Variants in ALCAM observed in about 807,000 individuals in gnomAD.
ALCAM encodes the protein CD166 antigen.
ALCAM carries 30 observed loss-of-function variants against 70.9 expected under a neutral mutation model. The ratio of observed to expected loss-of-function variants is 0.42; its 90% CI spans 0.32 to 0.57. The LOEUF (loss-of-function observed/expected upper bound fraction) is 0.57, where lower values mean the gene tolerates loss of function less well. ALCAM is among the 20% of genes least tolerant of loss of function. The pLI, the probability that ALCAM is intolerant of heterozygous loss-of-function variation, is 0.11. For synonymous variants in ALCAM, 249 were observed against 242.5 expected (o/e 1.03, Z -0.25); for missense variants, 591 against 695.1 (o/e 0.85, Z 1.68).
At chr3:105,532,878 A>G (rs1276235357) in intron 4 of ALCAM, among the ~76,000 whole-genome samples, 1 of 152,168 alleles carries the variant, frequency 6.6e-6, no homozygotes, top group African/African-American at 2.4e-5. Context: ...TTGGCAAATT[A>G]TGCTACTGAA....
chr3:105,557,352 CAG>C (rs1003270595), intron 14 of ALCAM, among the ~76,000 whole-genome samples: 7 of 152,022 alleles, frequency 4.6e-5, no homozygotes, highest in Non-Finnish European at 1.0e-4. Flanking sequence ...GTGGAAATGC[CAG>C]AGTCTCCATC....
At chr3:105,536,138 G>A (rs945768121) in intron 6 of ALCAM, among the ~76,000 whole-genome samples, 7 of 149,370 alleles carry the variant, frequency 4.7e-5, no homozygotes, top group African/African-American at 1.5e-4. Context: ...CTGTTGCCCA[G>A]GCCAGAGTGC....
intron 1 of ALCAM, among the ~76,000 whole-genome samples, chr3:105,428,458 C>T (rs976315661): frequency 2.6e-5 from 4 of 151,622 alleles, no homozygotes; most frequent in African/African-American, 9.7e-5. Context: ...ATTGAGTACT[C>T]CGTATTTTTT....
chr3:105,452,409 C>T (rs1222395873), intron 1 of ALCAM, among the ~76,000 whole-genome samples: 1 of 152,092 alleles, frequency 6.6e-6, no homozygotes, highest in African/African-American at 2.4e-5. Flanking sequence ...AATCTCATTC[C>T]TTTTTATGGC....
Position 105,552,536 on chromosome 3 carries a change from G to T in ALCAM, c.1615G>T (p.Ala539Ser). The T allele has an allele frequency of 1.4e-5, 22 of 1,611,742 alleles. No homozygotes were observed. The highest frequency in any genetic ancestry group is 1.9e-5 in the Non-Finnish European group (22 of 1,178,366). Residue 539 changes from alanine (A) to serine (S), a missense_variant, in exon 14 of 16, where the codon GCT becomes TCT. By Grantham distance (99) the Ala-to-Ser change is moderately conservative. This residue lies in a region of ALCAM where 164 missense variants were observed against 244.7 expected (regional missense o/e 0.67). Coordinates refer to ENST00000306107, the MANE Select transcript of ALCAM (RefSeq NM_001627.4). Reference sequence around the variant, plus strand: ...GGGAATCGTTGTTGGTCTCCTCCTTGCTGCCCTTGTTGCTGGTGTCGTCTA... The same window carrying T: ...GGGAATCGTTGTTGGTCTCCTCCTTTCTGCCCTTGTTGCTGGTGTCGTCTA... ...IVGIVVGLLL[A>S]ALVAGVVYWL...
At chr3:105,480,191 A>T (rs1938231523) in intron 1 of ALCAM, among the ~76,000 whole-genome samples, 1 of 152,028 alleles carries the variant, frequency 6.6e-6, no homozygotes, top group South Asian at 2.1e-4. Context: ...CTGTACTAAA[A>T]ATACAAAAAT....
intron 1 of ALCAM, among the ~76,000 whole-genome samples, chr3:105,476,517 T>G (rs545124042): frequency 6.6e-6 from 1 of 152,198 alleles, no homozygotes; most frequent in East Asian, 1.9e-4. Context: ...CGCCATCTCT[T>G]TACTGGTTCC....
At position 105,484,976 on chromosome 3, in the gene ALCAM, T is replaced by C. The variant is rs191952606; in HGVS notation, c.74-35091T>C. On this transcript the variant is annotated intron_variant, in intron 1 of 15. Coordinates refer to ENST00000306107, the MANE Select transcript of ALCAM (RefSeq NM_001627.4). Reference sequence around the variant, plus strand: ...GGTGGGGGATAGGAAATAATACAAATCTTGAAAACATTCTAAAATATTCAG... The same window carrying C: ...GGTGGGGGATAGGAAATAATACAAACCTTGAAAACATTCTAAAATATTCAG... 4.9e-3 allele frequency among the ~76,000 whole-genome samples: 744 copies of C among 152,128 alleles called. 5 individuals are homozygous for C. The highest frequency in any genetic ancestry group is 8.0e-3 in the Non-Finnish European group (543 of 67,932).
At chr3:105,551,745 CTCCTA>C (rs992578330) in intron 12 of ALCAM, among the ~76,000 whole-genome samples, 1 of 151,376 alleles carries the variant, frequency 6.6e-6, no homozygotes, top group African/African-American at 2.4e-5. Context: ...ACAATGAATT[CTCCTA>C]TATCGGGCAG....
intron 1 of ALCAM, among the ~76,000 whole-genome samples, chr3:105,427,760 A>G (rs1936827739): frequency 6.6e-6 from 1 of 151,948 alleles, no homozygotes; most frequent in Non-Finnish European, 1.5e-5. Context: ...AGATACACCC[A>G]GCATAACCTA....
chr3:105,497,014 T>A (rs1938762918), intron 1 of ALCAM, among the ~76,000 whole-genome samples: 1 of 152,004 alleles, frequency 6.6e-6, no homozygotes, highest in Non-Finnish European at 1.5e-5. Context: ...TCTTAGCAGG[T>A]AAAGAAAAAA....
intron 1 of ALCAM, among the ~76,000 whole-genome samples, chr3:105,512,052 A>G (rs1939253833): frequency 6.6e-6 from 1 of 152,044 alleles, no homozygotes; most frequent in Non-Finnish European, 1.5e-5. Flanking sequence ...GAAAACAATG[A>G]TGATCTTATT....
intron 1 of ALCAM, among the ~76,000 whole-genome samples, chr3:105,450,470 T>C (rs1322686573): frequency 1.3e-5 from 2 of 152,200 alleles, no homozygotes; most frequent in African/African-American, 4.8e-5. Context: ...CAGAGGGATT[T>C]AATACACTTT....
chr3:105,484,821 G>T (rs9857961), intron 1 of ALCAM, among the ~76,000 whole-genome samples: 85,792 of 151,876 alleles, frequency 0.56, 24,626 homozygotes, highest in African/African-American at 0.65. Flanking sequence ...GCCACCAGAA[G>T]AAAAGCTCTT....
At chr3:105,409,334 C>CAT (rs3048587) in intron 1 of ALCAM, among the ~76,000 whole-genome samples, 5 of 151,326 alleles carry the variant, frequency 3.3e-5, no homozygotes, top group Admixed American at 6.6e-5. Context: ...GAAAATGTGA[C>CAT]ATATATATAT....
At chr3:105,519,958 A>C in intron 1 of ALCAM, 109 bp from the exon 2 acceptor site, 3 of 628,590 alleles carry the variant, frequency 4.8e-6, no homozygotes, top group Non-Finnish European at 8.4e-6. Flanking sequence ...ATAGCAGATG[A>C]CAACCTTCAT....
At chr3:105,477,134 G>A in intron 1 of ALCAM, among the ~76,000 whole-genome samples, 1 of 151,850 alleles carries the variant, frequency 6.6e-6, no homozygotes, top group East Asian at 1.9e-4. Context: ...CCAGTTTCAG[G>A]TATGTCTTTA....
At chr3:105,487,540 A>T (rs1361104791) in intron 1 of ALCAM, among the ~76,000 whole-genome samples, 1 of 152,166 alleles carries the variant, frequency 6.6e-6, no homozygotes, top group Admixed American at 6.6e-5. Context: ...GAGAAAAAAA[A>T]TGAAAATGGA....
chr3:105,463,947 T>G (rs929311315), intron 1 of ALCAM, among the ~76,000 whole-genome samples: 1 of 151,432 alleles, frequency 6.6e-6, no homozygotes, highest in Non-Finnish European at 1.5e-5. Context: ...GGTTTTTATA[T>G]TGCACAGATA....
Sources: gnomAD v4.1 joint callset for allele counts (sites outside exome capture counted in the v4.1 genomes callset) on GRCh38, gnomAD v4.1.1 for gene constraint, gnomAD v4.1.1 regional missense constraint, MANE v1.5 for transcripts, NCBI Gene and HGNC (gene_info 2026-07-23, HGNC 2026-07-21) for gene names.